SLC39A12: variants seen among roughly 807,000 people sequenced by gnomAD.
SLC39A12 encodes the protein zinc transporter ZIP12.
Under a neutral mutation model 71.1 loss-of-function variants are expected in SLC39A12, and 63 were observed. The ratio of observed to expected loss-of-function variants is 0.89; its 90% CI spans 0.72 to 1.09. SLC39A12 has a LOEUF of 1.09. Among genes scored for constraint, SLC39A12 ranks in the 50% least tolerant of loss-of-function variants. The pLI, the probability that SLC39A12 is intolerant of heterozygous loss-of-function variation, is 0.00. For synonymous variants in SLC39A12, 351 were observed against 301.3 expected (o/e 1.16, Z -1.71); for missense variants, 892 against 812.6 (o/e 1.10, Z -1.19).
At chr10:17,985,622 A>G (rs141800108) in intron 6 of SLC39A12, among the ~76,000 whole-genome samples, 4 of 152,282 alleles carry the variant, frequency 2.6e-5, no homozygotes, top group African/African-American at 9.6e-5. Flanking sequence ...TAATTTCTAA[A>G]TAGGTAGAGA....
intron 12 of SLC39A12, among the ~76,000 whole-genome samples, chr10:18,027,181 T>G: frequency 6.6e-6 from 1 of 152,230 alleles, no homozygotes; most frequent in East Asian, 1.9e-4. Flanking sequence ...TCTACAGTCC[T>G]TTGGTAGATC....
chr10:17,978,471 A>G (rs1250083130), intron 5 of SLC39A12, among the ~76,000 whole-genome samples: 1 of 152,168 alleles, frequency 6.6e-6, no homozygotes, highest in East Asian at 1.9e-4. Context: ...TCTGCCATGT[A>G]TAATAGGAAT....
intron 4 of SLC39A12, among the ~76,000 whole-genome samples, chr10:17,968,130 A>T (rs1208691404): frequency 7.6e-6 from 1 of 131,168 alleles, no homozygotes; most frequent in African/African-American, 2.7e-5. Context: ...CTGCTTCATG[A>T]TTATTTTTGT....
chr10:18,042,045 C>T (rs1449786641), intron 12 of SLC39A12, among the ~76,000 whole-genome samples: 2 of 151,904 alleles, frequency 1.3e-5, no homozygotes, highest in Non-Finnish European at 2.9e-5. Flanking sequence ...TTACATCAAC[C>T]TGTGCATATA....
intron 12 of SLC39A12, among the ~76,000 whole-genome samples, chr10:18,020,575 A>G (rs1346151068): frequency 6.6e-6 from 1 of 152,126 alleles, no homozygotes; most frequent in Non-Finnish European, 1.5e-5. Context: ...GAACTAATTT[A>G]CATTTTCACC....
At chr10:17,971,400 A>G (rs1343668882) in intron 4 of SLC39A12, among the ~76,000 whole-genome samples, 1 of 151,254 alleles carries the variant, frequency 6.6e-6, no homozygotes, top group Non-Finnish European at 1.5e-5. Flanking sequence ...GAATAGTTTG[A>G]ATAGAATTGG....
chr10:18,026,489 A>G (rs1836681997), intron 12 of SLC39A12, among the ~76,000 whole-genome samples: 1 of 152,098 alleles, frequency 6.6e-6, no homozygotes, highest in African/African-American at 2.4e-5. Flanking sequence ...AAGTTTAAAG[A>G]TGATATGCAT....
chr10:18,042,694 T>TC lies in SLC39A12; in HGVS notation c.1948-10dup. 1 of 1,598,924 alleles carries TC rather than the reference T, an allele frequency of 6.3e-7. No individual in the cohort carries two copies. Among genetic ancestry groups the TC allele is most frequent in the Non-Finnish European group, 8.5e-7 (1 of 1,175,616 alleles). ...TCTGGATCTTATTCTGGTTTTTTAT[T>TC]CTTTTTTTAGCTTCCTGAAATGACT... On this transcript the variant is annotated splice_polypyrimidine_tract_variant and intron_variant, in intron 12 of 12. Transcript: ENST00000377369.
Position 18,034,628 on chromosome 10 carries a change from G to C in SLC39A12, c.1948-8077G>C, listed in dbSNP as rs573471139. On this transcript the variant is annotated intron_variant, in intron 12 of 12. Transcript: ENST00000377369. ...TTTGCCAGTCTGTGTCTTTTAATTG[G>C]AGAATTTAGTCCATTTACATTTAAA... is the stretch of plus-strand genomic sequence containing the variant. Among the ~76,000 whole-genome samples, 534 of 151,460 alleles carry C rather than the reference G, an allele frequency of 3.5e-3. 3 individuals carry two copies. Among genetic ancestry groups the C allele is most frequent in the African/African-American group, 0.012 (492 of 41,134 alleles).
chr10:18,003,395 C>G, intron 12 of SLC39A12, 37 bp downstream of exon 12: 2 of 1,553,642 alleles, frequency 1.3e-6, no homozygotes, highest in Non-Finnish European at 1.7e-6. Flanking sequence ...TTTTTCTAAG[C>G]ACTGAAAATG....
At position 17,991,205 on chromosome 10, in the gene SLC39A12, A is replaced by G. The variant is rs746183241; in HGVS notation, c.1324A>G (p.Lys442Glu). The G allele has an allele frequency of 1.3e-6, 2 of 1,596,020 alleles. No individual in the cohort carries two copies. Among genetic ancestry groups the G allele is most frequent in the African/African-American group, 2.7e-5 (2 of 73,998 alleles). ...APEFGHFHES[K>E]GHIWKLMGLI... is the part of the protein sequence containing the mutation. ...AGAATTTGGGCATTTCCATGAAAGC[A>G]AAGGTCATATTTGGAAACTGATGGG... Residue 442 changes from lysine (K) to glutamate (E), a missense_variant, in exon 8 of 13, where the codon AAA (lysine) becomes GAA (glutamate). Physicochemically the swap from Lys to Glu is moderately conservative, Grantham distance 56. Transcript: ENST00000377369.
intron 12 of SLC39A12, among the ~76,000 whole-genome samples, chr10:18,028,416 A>G (rs2488123): frequency 6.6e-6 from 1 of 151,966 alleles, no homozygotes; most frequent in Non-Finnish European, 1.5e-5. Flanking sequence ...TGATGCCAAC[A>G]GGAAACCAGT....
At chr10:17,978,405 C>T (rs1381836046) in intron 5 of SLC39A12, among the ~76,000 whole-genome samples, 1 of 152,106 alleles carries the variant, frequency 6.6e-6, no homozygotes, top group Non-Finnish European at 1.5e-5. Context: ...CAATGTTGAA[C>T]AAAAATAGGC....
intron 10 of SLC39A12, among the ~76,000 whole-genome samples, chr10:17,998,959 T>C (rs1224675840): frequency 6.7e-6 from 1 of 149,692 alleles, no homozygotes; most frequent in Non-Finnish European, 1.5e-5. Flanking sequence ...AGAATTTTTA[T>C]TGAGCACAAT....
intron 4 of SLC39A12, among the ~76,000 whole-genome samples, chr10:17,967,921 A>T (rs2130788893): frequency 6.8e-6 from 1 of 146,930 alleles, no homozygotes; most frequent in East Asian, 2.0e-4. Context: ...ATATATATTT[A>T]TTTATTTATT....
intron 12 of SLC39A12, among the ~76,000 whole-genome samples, chr10:18,038,573 C>G (rs1001635375): frequency 6.6e-6 from 1 of 152,070 alleles, no homozygotes; most frequent in Non-Finnish European, 1.5e-5. Context: ...TTGCTTGAAC[C>G]TGGGAGGTGG....
chr10:18,017,113 T>C (rs1836407460), intron 12 of SLC39A12, among the ~76,000 whole-genome samples: 1 of 152,152 alleles, frequency 6.6e-6, no homozygotes, highest in Admixed American at 6.5e-5. Context: ...AATTATTTAC[T>C]TATATATTTT....
In SLC39A12 at chr10:18,042,953, T is replaced by A; in HGVS notation, c.*120T>A. On this transcript the variant is annotated 3_prime_UTR_variant, in exon 13 of 13. Transcript: ENST00000377369. ...TTATCTTAGGCAAAGTGTGTCTCTT[T>A]CAATTCATTAACTTATTAATTTTAT... 4.1e-6 allele frequency: 3 copies of A among 729,768 alleles called. No individual in the cohort carries two copies. Among genetic ancestry groups the A allele is most frequent in the Non-Finnish European group, 5.9e-6 (3 of 506,944 alleles). 45.2% of individuals were successfully genotyped at this position (729,768 alleles called of 1,614,324 possible).
intron 12 of SLC39A12, among the ~76,000 whole-genome samples, chr10:18,020,773 G>C (rs1836512109): frequency 6.6e-6 from 1 of 152,088 alleles, no homozygotes; most frequent in Non-Finnish European, 1.5e-5. Flanking sequence ...GTCATCTTTT[G>C]AGACATGTCT....
Sources: allele counts gnomAD v4.1 joint callset (sites outside exome capture counted in the v4.1 genomes callset), GRCh38; gene constraint gnomAD v4.1.1; transcripts MANE v1.5; gene names NCBI Gene and HGNC (gene_info 2026-07-23, HGNC 2026-07-21).